The following LMF1 variants were observed in gnomAD, a reference collection of about 807,000 sequenced individuals.
LMF1 encodes transmembrane protein 112.
Under a neutral mutation model 60.6 loss-of-function variants are expected in LMF1, and 68 were observed. That is an observed-to-expected ratio of 1.12 (90% CI 0.92 to 1.37). The LOEUF (loss-of-function observed/expected upper bound fraction) is 1.37, where lower values mean the gene tolerates loss of function less well. Ranked by LOEUF, LMF1 falls within the 40% of genes most tolerant of loss-of-function variation. The probability of loss-of-function intolerance (pLI) is 0.00; values close to 1 mark genes in which losing one functional copy is unlikely to be tolerated. For synonymous variants in LMF1, 418 were observed against 324.7 expected (o/e 1.29, Z -3.09); for missense variants, 948 against 767.2 (o/e 1.24, Z -2.78).
At position 878,431 on chromosome 16, in the gene LMF1, C is replaced by G. The variant is rs527419076; in HGVS notation, c.897+1139G>C. 6.6e-6 allele frequency among the ~76,000 whole-genome samples: 1 copy of G among 152,244 alleles called. No individual in the cohort carries two copies. The highest frequency in any genetic ancestry group is 2.1e-4 in the South Asian group (1 of 4,816). On this transcript the variant is annotated intron_variant, in intron 6 of 10. Transcript: ENST00000262301. The surrounding 1 kb of genome is among the most constrained non-coding windows in gnomAD (Gnocchi z 5.2). ...GGAGGGGTCAAGAACAGCACAGCCA[C>G]CCTGGACACGTGCAGCTTCCAGTAA...
At chr16:979,012 C>A (rs2073258039) in intron 1 of LMF1, 2 of 453,938 alleles carry the variant, frequency 4.4e-6, no homozygotes, top group African/African-American at 4.0e-5. Flanking sequence ...CTGAGAGGTG[C>A]TTTTGGAGTT....
chr16:936,474 A>G, intron 2 of LMF1, among the ~76,000 whole-genome samples: 1 of 117,748 alleles, frequency 8.5e-6, no homozygotes, highest in Non-Finnish European at 1.8e-5. Context: ...CCGTGGGCTG[A>G]GGAAGGTGGC....
At chr16:869,563 C>A (rs115890172) in intron 9 of LMF1, 3 of 600,350 alleles carry the variant, frequency 5.0e-6, no homozygotes, top group Admixed American at 4.3e-5. Context: ...AAACCACAGG[C>A]GCCACCCTCA....
chr16:929,297 G>T (rs2071701132), intron 3 of LMF1, among the ~76,000 whole-genome samples: 1 of 152,214 alleles, frequency 6.6e-6, no homozygotes, highest in South Asian at 2.1e-4. Context: ...CCTTCCCAGA[G>T]CCCGCTCTCC....
At chr16:910,750 C>A (rs962172269) in intron 4 of LMF1, among the ~76,000 whole-genome samples, 181 bp downstream of exon 4, 2 of 152,148 alleles carry the variant, frequency 1.3e-5, no homozygotes, top group Admixed American at 6.5e-5. Context: ...GCCAGCCGGT[C>A]CCCAGCATTC....
chr16:889,469 C>T (rs1007369271), intron 5 of LMF1, among the ~76,000 whole-genome samples: 4 of 151,874 alleles, frequency 2.6e-5, no homozygotes, highest in South Asian at 4.1e-4. Flanking sequence ...GCTCCCAAGC[C>T]CGGAGGGAGG....
chr16:887,634 G>A (rs1030618450), intron 5 of LMF1, among the ~76,000 whole-genome samples: 1 of 152,154 alleles, frequency 6.6e-6, no homozygotes, highest in Non-Finnish European at 1.5e-5. Context: ...CCAGCCCAGA[G>A]AGGGCTGCTC....
At chr16:932,741 A>C (rs1380888127) in intron 3 of LMF1, among the ~76,000 whole-genome samples, 1 of 152,192 alleles carries the variant, frequency 6.6e-6, no homozygotes, top group Non-Finnish European at 1.5e-5. Context: ...TAAATAAATA[A>C]AATTTACTAA....
intron 6 of LMF1, chr16:873,779 G>C (rs933197309): frequency 6.6e-6 from 1 of 152,476 alleles, no homozygotes; most frequent in Middle Eastern, 3.4e-3. Context: ...GTGGGAGGTA[G>C]AGAATCTGCT....
chr16:978,220 C>T (rs547746417), intron 1 of LMF1, among the ~76,000 whole-genome samples: 6 of 151,718 alleles, frequency 4.0e-5, no homozygotes, highest in Admixed American at 3.9e-4. Flanking sequence ...TACACATACA[C>T]ACCACACACC....
intron 6 of LMF1, among the ~76,000 whole-genome samples, chr16:875,203 C>T (rs900152283): frequency 1.3e-5 from 2 of 152,012 alleles, no homozygotes; most frequent in Non-Finnish European, 2.9e-5. Context: ...GCAGTGAGGC[C>T]CAGCTCTGTC....
At chr16:860,506 A>AT (rs1213933114) in intron 10 of LMF1, among the ~76,000 whole-genome samples, 24 of 151,932 alleles carry the variant, frequency 1.6e-4, no homozygotes, top group African/African-American at 5.6e-4. Context: ...GGCCCTGCTA[A>AT]TTTTTTGTGT....
intron 4 of LMF1, among the ~76,000 whole-genome samples, chr16:896,547 T>C (rs2070666475): frequency 6.6e-6 from 1 of 152,190 alleles, no homozygotes; most frequent in Admixed American, 6.5e-5. Flanking sequence ...GCTCCTGTTC[T>C]GCAAACAGGC....
At chr16:869,793 T>G in intron 9 of LMF1, 90 bp downstream of exon 9, 5 of 1,351,002 alleles carry the variant, frequency 3.7e-6, no homozygotes, top group Non-Finnish European at 5.1e-6. Context: ...CACCAGCCCC[T>G]TCAGTGGGCG....
rs765538677 is a variant in LMF1, at chr16:853,692, T to C, written c.*840A>G. On this transcript the variant is annotated 3_prime_UTR_variant, in exon 11 of 11. Transcript: ENST00000262301. ...ATAGTAGAAGAATATGCCATAGCTA[T>C]GGCTCAAGAATAGGAATAAGAAAAA... 3.7e-5 allele frequency: 17 copies of C among 454,014 alleles called. No homozygotes were observed. Among genetic ancestry groups the C allele is most frequent in the South Asian group, 2.5e-4 (16 of 64,484 alleles). 28.1% of individuals were successfully genotyped at this position (454,014 alleles called of 1,614,324 possible). A position where few individuals can be genotyped will look rare whatever the true frequency, so the allele number is the denominator to read the frequency against.
chr16:915,759 C>G (rs915538030), intron 3 of LMF1, among the ~76,000 whole-genome samples: 1 of 152,200 alleles, frequency 6.6e-6, no homozygotes, highest in East Asian at 1.9e-4. Flanking sequence ...CCGTGTGGGA[C>G]GAGAGACACG....
rs57314061 is a variant in LMF1 at position 878,751 on chromosome 16, CA to C, written c.897+818del. 0.037 allele frequency among the ~76,000 whole-genome samples: 3,835 copies of C among 103,700 alleles called. 176 individuals carry two copies. The highest frequency in any genetic ancestry group is 0.13 in the African/African-American group (3,563 of 27,176). 68.0% of individuals were successfully genotyped at this position (103,700 alleles called of 152,430 possible). On this transcript the variant is annotated intron_variant, in intron 6 of 10. Coordinates refer to ENST00000262301, the MANE Select transcript of LMF1 (RefSeq NM_022773.4). The surrounding 1 kb of genome is among the most constrained non-coding windows in gnomAD (Gnocchi z 5.2). ...GGGCAGGGCAGGGGAAGGGCGGGGG[CA>C]GGGGCGGGCAGGGCAGGGGAAGGGG... is the stretch of plus-strand genomic sequence containing the variant.
At chr16:904,781 GTC>G (rs1411004847) in intron 4 of LMF1, 1 of 28,942 alleles carries the variant, frequency 3.5e-5, no homozygotes, top group Non-Finnish European at 6.9e-5. Context: ...CAGGACGCCT[GTC>G]TCTGCTGTGT....
In LMF1 at chr16:931,791, C is replaced by G. The variant is rs571214818; in HGVS notation, c.514+2453G>C. ...CGACAGTCCAAAGTGACGTGCTGAG[C>G]CGCTGCAGGGTCAGACACAACATGA... On this transcript the variant is annotated intron_variant, in intron 3 of 10. Transcript: ENST00000262301. 302 of 1,286,430 alleles carry G rather than the reference C, an allele frequency of 2.3e-4. 3 individuals carry two copies. In the South Asian group the frequency reaches 3.4e-3, roughly 14 times the overall value. The allele number at this position is 1,286,430 out of a possible 1,614,324, so 79.7% of individuals were successfully genotyped here. A position where few individuals can be genotyped will look rare whatever the true frequency, so the allele number is the denominator to read the frequency against.
Sources: allele counts gnomAD v4.1 joint callset (sites outside exome capture counted in the v4.1 genomes callset), GRCh38; gene constraint gnomAD v4.1.1; non-coding constraint Gnocchi (gnomAD v3.1); transcripts MANE v1.5; gene names NCBI Gene and HGNC (gene_info 2026-07-23, HGNC 2026-07-21).